Variants in DMD observed in about 807,000 individuals in gnomAD.
DMD encodes the protein mutant dystrophin.
Under a neutral mutation model 330.1 loss-of-function variants are expected in DMD, and 63 were observed. The ratio of observed to expected loss-of-function variants is 0.19; its 90% CI spans 0.16 to 0.24. The LOEUF (loss-of-function observed/expected upper bound fraction) is 0.24, where lower values mean the gene tolerates loss of function less well. Ranked by LOEUF, DMD falls within the 10% of genes least tolerant of loss-of-function variation. DMD has a pLI of 1.00. For synonymous variants in DMD, 1,223 were observed against 959.8 expected (o/e 1.27, Z -5.07); for missense variants, 3,344 against 2,684.1 (o/e 1.25, Z -5.43).
At chrX:31,552,232 G>C (rs1291834134) in intron 55 of DMD, among the ~76,000 whole-genome samples, 2 of 112,051 alleles carry the variant, frequency 1.8e-5, no homozygotes, top group East Asian at 5.6e-4. Context: ...GAGTGCAGTG[G>C]TGAGACCACG....
chrX:32,609,855 A>C (rs1215077921), intron 12 of DMD, among the ~76,000 whole-genome samples: 1 of 111,402 alleles, frequency 9.0e-6, no homozygotes, highest in Admixed American at 9.5e-5. Flanking sequence ...CACCAAGGTT[A>C]TGCATCTATG....
intron 43 of DMD, among the ~76,000 whole-genome samples, chrX:32,282,048 T>C (rs1322017735): frequency 8.9e-6 from 1 of 112,150 alleles, no homozygotes; most frequent in Non-Finnish European, 1.9e-5. Context: ...TACACAATAA[T>C]GCCATCTTAT....
At chrX:32,926,487 C>T (rs1044685507) in intron 2 of DMD, among the ~76,000 whole-genome samples, 1 of 111,610 alleles carries the variant, frequency 9.0e-6, no homozygotes, top group Non-Finnish European at 1.9e-5. Context: ...CAGTGGCTCA[C>T]GCCTGTAATC....
rs57325184 is a variant in DMD, at chrX:32,641,434, A to C, written c.1331+2698T>G. Reference sequence around the variant, plus strand: ...TATATATATATATATATATATATATATATCTCACAATGACTATATATCAAA... The same window carrying C: ...TATATATATATATATATATATATATCTATCTCACAATGACTATATATCAAA... On this transcript the variant is annotated intron_variant, in intron 11 of 78. Transcript: ENST00000357033. 1,096 of 114,101 alleles carry C rather than the reference A, an allele frequency of 9.6e-3. 20 individuals carry two copies. Among genetic ancestry groups the C allele is most frequent in the African/African-American group, 0.037 (1,015 of 27,529 alleles). The allele number at this position is 114,101 out of a possible 1,213,427, so 9.4% of individuals were successfully genotyped here. A position where few individuals can be genotyped will look rare whatever the true frequency, so the allele number is the denominator to read the frequency against.
At chrX:32,774,849 C>CG (rs60910403) in intron 7 of DMD, among the ~76,000 whole-genome samples, 6,802 of 111,487 alleles carry the variant, frequency 0.061, 206 homozygotes, top group Middle Eastern at 0.098. Flanking sequence ...CCAACAGTCT[C>CG]GCAAAGTCTT....
At chrX:32,294,882 C>G (rs779940102) in intron 42 of DMD, among the ~76,000 whole-genome samples, 1 of 111,445 alleles carries the variant, frequency 9.0e-6, no homozygotes, top group Non-Finnish European at 1.9e-5. Flanking sequence ...TTTAGTTTGT[C>G]TAGAAATAAG....
chrX:31,183,172 C>T lies in DMD; in HGVS notation c.9808-268G>A, dbSNP rs184894957. Among the ~76,000 whole-genome samples the T allele has an allele frequency of 2.0e-3, 209 of 103,796 alleles. 1 individual carries two copies. The highest frequency in any genetic ancestry group is 7.0e-3 in the African/African-American group (197 of 28,204). 90.1% of individuals were successfully genotyped at this position (103,796 alleles called of 115,157 possible). ...AAGAAAAGAAAACAAAACCAACAAA[C>T]GAGAAAGGTAAGCAAACTACACACC... On this transcript the variant is annotated intron_variant, in intron 67 of 78. Transcript: ENST00000357033.
chrX:32,858,744 G>T (rs2081818876), intron 2 of DMD, among the ~76,000 whole-genome samples: 1 of 110,664 alleles, frequency 9.0e-6, no homozygotes, highest in African/African-American at 3.3e-5. Flanking sequence ...TAACTTTATA[G>T]ACCTTTCGGT....
chrX:32,721,048 T>C (rs1468976647), intron 7 of DMD, among the ~76,000 whole-genome samples: 1 of 110,251 alleles, frequency 9.1e-6, no homozygotes, highest in Non-Finnish European at 1.9e-5. Context: ...TGGCACTATC[T>C]TTTGTGAGGC....
At chrX:32,783,043 T>TAC (rs1216121360) in intron 7 of DMD, among the ~76,000 whole-genome samples, 3 of 96,252 alleles carry the variant, frequency 3.1e-5, no homozygotes, top group Admixed American at 1.1e-4. Context: ...TTTATATATA[T>TAC]ACACACACAT....
chrX:32,769,364 A>G (rs932296507), intron 7 of DMD, among the ~76,000 whole-genome samples: 49 of 110,867 alleles, frequency 4.4e-4, no homozygotes, highest in African/African-American at 1.6e-3. Context: ...TATCAAGAAA[A>G]CAGCACGGGA....
intron 44 of DMD, among the ~76,000 whole-genome samples, chrX:32,123,087 G>A (rs1286932339): frequency 1.9e-5 from 2 of 104,749 alleles, no homozygotes; most frequent in Non-Finnish European, 3.9e-5. Context: ...AATGAGACAT[G>A]TGTAGTCTTA....
chrX:33,331,489 C>G (rs1211619476), intron 1 of DMD, among the ~76,000 whole-genome samples: 2 of 111,911 alleles, frequency 1.8e-5, no homozygotes, highest in East Asian at 5.6e-4. Flanking sequence ...GTCCTTATCA[C>G]ATTTTATCCT....
chrX:33,115,544 C>T (rs2148457539), intron 1 of DMD, among the ~76,000 whole-genome samples: 1 of 107,530 alleles, frequency 9.3e-6, no homozygotes, highest in East Asian at 3.0e-4. Flanking sequence ...TGGAGTCTCG[C>T]TCTGTGGCCC....
chrX:32,499,719 T>C (rs2043848070), intron 19 of DMD, among the ~76,000 whole-genome samples: 1 of 111,262 alleles, frequency 9.0e-6, no homozygotes, highest in Non-Finnish European at 1.9e-5. Context: ...TTCAGCTTCA[T>C]GAGCTACACC....
chrX:32,898,750 A>G (rs1470441941), intron 2 of DMD, among the ~76,000 whole-genome samples: 1 of 111,179 alleles, frequency 9.0e-6, no homozygotes, highest in Non-Finnish European at 1.9e-5. Context: ...TTTTGTTGCC[A>G]TCTGCTGGTT....
At chrX:32,854,568 T>C (rs766450510) in intron 2 of DMD, among the ~76,000 whole-genome samples, 9 of 83,616 alleles carry the variant, frequency 1.1e-4, no homozygotes, top group African/African-American at 3.9e-4. Flanking sequence ...TAAGCACTTG[T>C]ATCAAAAAAA....
chrX:32,803,323 T>A (rs1224619670), intron 7 of DMD, among the ~76,000 whole-genome samples: 1 of 111,704 alleles, frequency 9.0e-6, no homozygotes, highest in Non-Finnish European at 1.9e-5. Flanking sequence ...ATCCCCTTTA[T>A]CATTTTTTAC....
chrX:32,866,643 C>T (rs983162088), intron 2 of DMD, among the ~76,000 whole-genome samples: 2 of 101,866 alleles, frequency 2.0e-5, no homozygotes, highest in African/African-American at 7.3e-5. Context: ...AAAGAATTAA[C>T]GAAGCAATAG....
Sources: allele counts gnomAD v4.1 joint callset (sites outside exome capture counted in the v4.1 genomes callset), GRCh38; gene constraint gnomAD v4.1.1; transcripts MANE v1.5; gene names NCBI Gene and HGNC (gene_info 2026-07-23, HGNC 2026-07-21).